Variants in URB1 observed in about 807,000 individuals in gnomAD.
URB1 encodes URB1 ribosome biogenesis factor.
In URB1, 197 loss-of-function variants were observed where a neutral mutation model predicts 242.3. That is an observed-to-expected ratio of 0.81 (90% confidence interval 0.72 to 0.91). The LOEUF is 0.91. Among genes scored for constraint, URB1 ranks in the 40% least tolerant of loss-of-function variants. URB1 has a pLI of 0.00. For missense variants in URB1, 2,721 were observed against 2,860.5 expected (o/e 0.95, Z 1.11); for synonymous variants, 1,153 against 1,201.8 (o/e 0.96, Z 0.84).
rs561947308 is a variant in URB1 at position 32,375,788 on chromosome 21, A to T, written c.665-305T>A. Reference sequence around the variant, plus strand: ...AGCAAGACCCTGTCTCCAAAAAAAAATTTAAAAATTAGCTGGGTATGGTGG... The same window carrying T: ...AGCAAGACCCTGTCTCCAAAAAAAATTTTAAAAATTAGCTGGGTATGGTGG... On this transcript the variant is annotated intron_variant, in intron 5 of 38. Transcript: ENST00000382751. 1.1e-3 allele frequency among the ~76,000 whole-genome samples: 167 copies of T among 152,156 alleles called. No individual in the cohort carries two copies. The East Asian group carries it at 0.022, about 20-fold the overall frequency.
chr21:32,311,780 G>A lies in URB1; in HGVS notation c.*3138C>T. ...GCCTGCCGTGCCACAGGGAACCCCT[G>A]GCAACCTCACAGGCTCAGGCGAGCT... On this transcript the variant is annotated 3_prime_UTR_variant, in exon 39 of 39. Coordinates refer to ENST00000382751, the MANE Select transcript of URB1 (RefSeq NM_014825.3). The A allele has an allele frequency of 6.2e-7, 1 of 1,614,138 alleles. No individual in the cohort carries two copies. The highest frequency in any genetic ancestry group is 8.5e-7 in the Non-Finnish European group (1 of 1,180,036).
chr21:32,328,326 C>T (rs1015148944), intron 30 of URB1, among the ~76,000 whole-genome samples: 2 of 152,212 alleles, frequency 1.3e-5, no homozygotes, highest in East Asian at 1.9e-4. Flanking sequence ...TTAGTAGAGA[C>T]GGGGTTTCAC....
intron 21 of URB1, 65 bp from the exon 22 acceptor site, chr21:32,347,876 G>T (rs1002176400): frequency 2.6e-5 from 38 of 1,465,518 alleles, no homozygotes; most frequent in Non-Finnish European, 3.3e-5. Context: ...GGCGGCAGCT[G>T]CCACGCAAGT....
At chr21:32,354,170 C>G in intron 17 of URB1, 67 bp from the exon 18 acceptor site, 1 of 1,521,092 alleles carries the variant, frequency 6.6e-7, no homozygotes, top group Non-Finnish European at 8.9e-7. Flanking sequence ...CAAATACCCA[C>G]AGGGAGGCAG....
intron 1 of URB1, among the ~76,000 whole-genome samples, chr21:32,390,271 C>T (rs924203663): frequency 6.6e-6 from 1 of 152,200 alleles, no homozygotes; most frequent in Non-Finnish European, 1.5e-5. Context: ...AATATAGATA[C>T]TACATCTTTT....
At position 32,322,597 on chromosome 21, in the gene URB1, G is replaced by T. The variant is rs921005514; in HGVS notation, c.5234-13C>A. ...TACATGTGCTCCTCTGAGAACACAG[G>T]CAGTCAGTCAGTCATGGCAGGCCCC... is the stretch of plus-strand genomic sequence containing the variant. On this transcript the variant is annotated splice_polypyrimidine_tract_variant and intron_variant, in intron 32 of 38. Coordinates refer to ENST00000382751, the MANE Select transcript of URB1 (RefSeq NM_014825.3). The T allele has an allele frequency of 1.3e-6, 2 of 1,546,412 alleles. No individual in the cohort carries two copies. Among genetic ancestry groups the T allele is most frequent in the Non-Finnish European group, 1.8e-6 (2 of 1,142,374 alleles).
chr21:32,371,966 A>G (rs546888552), intron 8 of URB1, among the ~76,000 whole-genome samples: 26 of 152,330 alleles, frequency 1.7e-4, no homozygotes, highest in Non-Finnish European at 2.2e-4. Context: ...AAAATGTTAA[A>G]AAAAAAAACA....
intron 30 of URB1, among the ~76,000 whole-genome samples, chr21:32,330,489 G>GA (rs60513867): frequency 3.1e-4 from 42 of 136,944 alleles, no homozygotes; most frequent in Admixed American, 9.3e-4. Context: ...CAGACCAAGG[G>GA]AAAAAAAAAA....
intron 14 of URB1, among the ~76,000 whole-genome samples, chr21:32,358,386 T>C (rs1034446533): frequency 2.0e-5 from 3 of 152,234 alleles, no homozygotes; most frequent in East Asian, 1.9e-4. Context: ...CATCAAATGA[T>C]GTCCTTGTTA....
chr21:32,335,225 A>G (rs939412550), intron 28 of URB1: 2 of 153,102 alleles, frequency 1.3e-5, no homozygotes, highest in Middle Eastern at 5.8e-3. Context: ...AAATGTCCTG[A>G]GTTTCCACTC....
At chr21:32,333,057 G>A (rs2032914477) in intron 30 of URB1, 2 of 439,620 alleles carry the variant, frequency 4.5e-6, no homozygotes, top group Admixed American at 8.0e-5. Flanking sequence ...TAGGAATTAG[G>A]AAAACATCAA....
Position 32,341,478 on chromosome 21 carries a change from T to C in URB1, c.4304A>G (p.Lys1435Arg). The C allele has an allele frequency of 6.4e-7, 1 of 1,551,636 alleles. No homozygotes were observed. The highest frequency in any genetic ancestry group is 1.4e-5 in the African/African-American group (1 of 73,172). Residue 1435 changes from lysine to arginine, a missense_variant, in exon 25 of 39, where the codon AAG becomes AGG. Transcript: ENST00000382751. ...VDPGDWQKFV[K>R]KGLKFRYQDH... ...AAAATCAACTTACTTGAGTCCCTTC[T>C]TCACGAATTTCTGCCAGTCACCAGG...
At chr21:32,378,847 C>T (rs2033489956) in intron 4 of URB1, among the ~76,000 whole-genome samples, 1 of 152,150 alleles carries the variant, frequency 6.6e-6, no homozygotes. Context: ...CATACATTTT[C>T]GTTTCTTGGC....
At chr21:32,331,655 C>T (rs891180394) in intron 30 of URB1, among the ~76,000 whole-genome samples, 1 of 152,198 alleles carries the variant, frequency 6.6e-6, no homozygotes, top group African/African-American at 2.4e-5. Flanking sequence ...AGCCTGTTCT[C>T]TCTAACAAAA....
rs770225627 is a variant in URB1, at chr21:32,334,237, G to A, written c.4783C>T (p.Arg1595Cys). Residue 1595 changes from arginine to cysteine, a missense_variant, in exon 29 of 39, where the codon CGC (arginine) becomes TGC (cysteine). Arg to Cys is a radical substitution (Grantham distance 180, BLOSUM62 -3). Coordinates refer to ENST00000382751, the MANE Select transcript of URB1 (RefSeq NM_014825.3). ...ATCATCCGGTCCCGGTCCAGCAGGC[G>A]AAGGATGTCCCCGACACTCGGCTGC... Reference protein sequence around the residue: ...WQQPSVGDILRLLDRDRMMQT... With the variant: ...WQQPSVGDILCLLDRDRMMQT... 546 of 1,551,438 alleles carry A rather than the reference G, an allele frequency of 3.5e-4. No individual in the cohort carries two copies. Among genetic ancestry groups the A allele is most frequent in the Non-Finnish European group, 3.9e-4 (452 of 1,146,966 alleles).
At chr21:32,385,007 A>AAAAGAAAAGAAAAGAAAAGAAAAGAAG (rs2033567990) in intron 2 of URB1, among the ~76,000 whole-genome samples, 1 of 150,916 alleles carries the variant, frequency 6.6e-6, no homozygotes, top group African/African-American at 2.5e-5. Flanking sequence ...AAAAGAAAAG[A>AAAAGAAAAGAAAAGAAAAGAAAAGAAG]AAAGAAAGAA....
intron 25 of URB1, among the ~76,000 whole-genome samples, chr21:32,339,585 G>A (rs911610718): frequency 2.0e-5 from 3 of 151,010 alleles, no homozygotes; most frequent in African/African-American, 7.3e-5. Context: ...CCGCCTCCCG[G>A]GTTCACACCA....
At chr21:32,349,572 A>G in intron 20 of URB1, 89 bp from the exon 21 acceptor site, 1 of 1,382,336 alleles carries the variant, frequency 7.2e-7, no homozygotes, top group Middle Eastern at 2.4e-4. Context: ...TTTTCAGAGC[A>G]GGAGACTCGG....
At chr21:32,375,734 C>T (rs965562728) in intron 5 of URB1, among the ~76,000 whole-genome samples, 1 of 151,538 alleles carries the variant, frequency 6.6e-6, no homozygotes, top group Non-Finnish European at 1.5e-5. Flanking sequence ...CCCTTGAGGC[C>T]AGGAGTTCAA....
Sources: gnomAD v4.1 joint callset for allele counts (sites outside exome capture counted in the v4.1 genomes callset) on GRCh38, gnomAD v4.1.1 for gene constraint, MANE v1.5 for transcripts, NCBI Gene and HGNC (gene_info 2026-07-23, HGNC 2026-07-21) for gene names.